Variants in OPCML observed in about 807,000 individuals in gnomAD.
OPCML encodes opioid-binding protein/cell adhesion molecule.
In OPCML, 13 loss-of-function variants were observed where a neutral mutation model predicts 37.8. That is an observed-to-expected ratio of 0.34 (90% CI 0.22 to 0.55). The LOEUF (loss-of-function observed/expected upper bound fraction) is 0.55, where lower values mean the gene tolerates loss of function less well. Among genes scored for constraint, OPCML ranks in the 20% least tolerant of loss-of-function variants. OPCML has a pLI of 0.91. For missense variants in OPCML, 341 were observed against 435.6 expected (o/e 0.78, Z 1.93); for synonymous variants, 176 against 168.8 (o/e 1.04, Z -0.33).
At chr11:133,421,160 T>A in intron 1 of OPCML, 1 of 985,406 alleles carries the variant, frequency 1.0e-6, no homozygotes. Context: ...ATAATGAAAT[T>A]TTAGTAAACT....
At chr11:132,970,591 CT>C (rs1050659186) in intron 1 of OPCML, among the ~76,000 whole-genome samples, 19 of 152,168 alleles carry the variant, frequency 1.2e-4, no homozygotes, top group Non-Finnish European at 2.5e-4. Context: ...TAAAACTTTA[CT>C]TTTTTTCCAG....
intron 4 of OPCML, among the ~76,000 whole-genome samples, chr11:132,527,702 G>A (rs73035347): frequency 0.072 from 10,920 of 152,060 alleles, 669 homozygotes; most frequent in African/African-American, 0.16. Flanking sequence ...AGGCTATGAC[G>A]AGTTAAGTTA....
chr11:133,271,846 C>T (rs866416293), intron 1 of OPCML, among the ~76,000 whole-genome samples: 3 of 152,162 alleles, frequency 2.0e-5, no homozygotes, highest in Admixed American at 6.5e-5. Context: ...GTACAAAATT[C>T]GATGAGCACT....
At chr11:132,931,647 A>G (rs536177024) in intron 2 of OPCML, among the ~76,000 whole-genome samples, 2 of 152,342 alleles carry the variant, frequency 1.3e-5, no homozygotes, top group Admixed American at 6.5e-5. Context: ...TGAAAATAAT[A>G]GAAACAGAAA....
intron 4 of OPCML, among the ~76,000 whole-genome samples, chr11:132,479,076 C>T (rs1322038555): frequency 6.6e-6 from 1 of 152,106 alleles, no homozygotes; most frequent in Non-Finnish European, 1.5e-5. Flanking sequence ...AGCTCCCAGC[C>T]TGAGTGACGC....
intron 1 of OPCML, among the ~76,000 whole-genome samples, chr11:133,030,130 C>T (rs1211391277): frequency 6.6e-6 from 1 of 152,164 alleles, no homozygotes; most frequent in Non-Finnish European, 1.5e-5. Flanking sequence ...AGAAACTGTT[C>T]CCTAGTGGGT....
intron 2 of OPCML, among the ~76,000 whole-genome samples, chr11:132,830,847 A>G (rs1940643523): frequency 6.6e-6 from 1 of 152,246 alleles, no homozygotes. Flanking sequence ...ATATAAAACT[A>G]CAAGGGAATG....
At chr11:132,458,043 A>G (rs1172811124) in intron 4 of OPCML, among the ~76,000 whole-genome samples, 1 of 152,104 alleles carries the variant, frequency 6.6e-6, no homozygotes, top group Non-Finnish European at 1.5e-5. Context: ...AAGCAGGTTG[A>G]AGTGGGATGG....
intron 2 of OPCML, chr11:132,859,117 T>G (rs1458437361): frequency 1.3e-5 from 2 of 152,218 alleles, no homozygotes; most frequent in African/African-American, 4.8e-5. Flanking sequence ...AAATGTGAAA[T>G]AAGGCAGCTG....
rs1191433171 is a variant in OPCML at position 133,173,943 on chromosome 11, C to G, written c.62-230933G>C. 6.6e-6 allele frequency among the ~76,000 whole-genome samples: 1 copy of G among 152,172 alleles called. No individual in the cohort carries two copies. Among genetic ancestry groups the G allele is most frequent in the African/African-American group, 2.4e-5 (1 of 41,452 alleles). ...CACTGGAGCAGCCCTCTCCCTCCAT[C>G]CATTCTACAAGGATCCCCAGTCAGC... On this transcript the variant is annotated intron_variant, in intron 1 of 7. Transcript: ENST00000524381. This position sits in a 1 kb window ranked among gnomAD's most constrained non-coding sequence, Gnocchi z 7.8.
At chr11:133,375,873 A>G (rs1357627095) in intron 1 of OPCML, among the ~76,000 whole-genome samples, 24 of 152,198 alleles carry the variant, frequency 1.6e-4, no homozygotes, top group African/African-American at 7.2e-5. Flanking sequence ...CTGGATTTCA[A>G]TGAATTTGAA....
intron 3 of OPCML, among the ~76,000 whole-genome samples, chr11:132,631,128 G>A (rs945174397): frequency 2.0e-5 from 3 of 151,740 alleles, no homozygotes; most frequent in Non-Finnish European, 4.4e-5. Flanking sequence ...AGGGAGATAC[G>A]TAATATTTCC....
chr11:132,508,146 G>C (rs1462775285), intron 4 of OPCML, among the ~76,000 whole-genome samples: 1 of 152,100 alleles, frequency 6.6e-6, no homozygotes, highest in African/African-American at 2.4e-5. Context: ...ATTAAATACT[G>C]CTTTGGAATA....
intron 2 of OPCML, among the ~76,000 whole-genome samples, chr11:132,833,385 C>T (rs1940823389): frequency 6.6e-6 from 1 of 152,194 alleles, no homozygotes; most frequent in South Asian, 2.1e-4. Flanking sequence ...TCTCATCCCA[C>T]TCCAAGAGCT....
At chr11:132,988,438 T>C (rs1468629087) in intron 1 of OPCML, among the ~76,000 whole-genome samples, 1 of 152,246 alleles carries the variant, frequency 6.6e-6, no homozygotes, top group Non-Finnish European at 1.5e-5. Flanking sequence ...AAGACTCCTC[T>C]GTAATTCTTT....
At chr11:132,818,318 T>C (rs1335014866) in intron 2 of OPCML, among the ~76,000 whole-genome samples, 1 of 152,174 alleles carries the variant, frequency 6.6e-6, no homozygotes, top group Non-Finnish European at 1.5e-5. Context: ...ATTAATTGTA[T>C]ACATCAACAA....
At chr11:133,390,163 A>G (rs1458478448) in intron 1 of OPCML, among the ~76,000 whole-genome samples, 2 of 152,232 alleles carry the variant, frequency 1.3e-5, no homozygotes, top group Admixed American at 1.3e-4. Context: ...ACCTAACGTT[A>G]AGAGGTAGCT....
intron 1 of OPCML, among the ~76,000 whole-genome samples, chr11:133,218,918 C>G (rs1017989609): frequency 2.0e-5 from 3 of 152,190 alleles, no homozygotes; most frequent in African/African-American, 7.2e-5. Context: ...CTGCAAAGCA[C>G]TTGAGCCCAT....
At chr11:133,484,849 C>T (rs1310232535) in intron 1 of OPCML, among the ~76,000 whole-genome samples, 1 of 152,004 alleles carries the variant, frequency 6.6e-6, no homozygotes, top group Non-Finnish European at 1.5e-5. Context: ...CATTCAACAA[C>T]ATTATTACTG....
Sources: allele counts gnomAD v4.1 joint callset (sites outside exome capture counted in the v4.1 genomes callset), GRCh38; gene constraint gnomAD v4.1.1; non-coding constraint Gnocchi (gnomAD v3.1); transcripts MANE v1.5; gene names NCBI Gene and HGNC (gene_info 2026-07-23, HGNC 2026-07-21).